Variants in SPRY3 observed in about 807,000 individuals in gnomAD.
SPRY3 encodes the protein sprouty RTK signaling antagonist 3, also known as protein sprouty homolog 3.
A neutral mutation model predicts 20.2 loss-of-function variants in SPRY3; 15 were observed. The ratio of observed to expected loss-of-function variants is 0.74; its 90% CI spans 0.50 to 1.14. The LOEUF (loss-of-function observed/expected upper bound fraction) is 1.14, where lower values mean the gene tolerates loss of function less well. SPRY3 is among the 50% of genes most tolerant of loss of function. The pLI is 0.00. For synonymous variants in SPRY3, 143 were observed against 136.5 expected, an observed-to-expected ratio of 1.05 and a Z score of -0.33; for missense variants, 364 against 363.9, an observed-to-expected ratio of 1.00 and a Z score of 0.00.
chrX:155,706,278 G>A (rs2090950388), intron 2 of SPRY3, among the ~76,000 whole-genome samples: 1 of 151,110 alleles, frequency 6.6e-6, no homozygotes, highest in African/African-American at 2.4e-5. Flanking sequence ...GATCAGAGAA[G>A]AAATATGAAA....
chrX:155,696,256 CAGAGAG>C (rs1217974455), intron 2 of SPRY3, among the ~76,000 whole-genome samples: 65 of 103,430 alleles, frequency 6.3e-4, no homozygotes, highest in Middle Eastern at 5.0e-3. Flanking sequence ...CATATATATA[CAGAGAG>C]AGAGAGAGAG....
At chrX:155,653,188 C>G (rs1355279382) in intron 1 of SPRY3, among the ~76,000 whole-genome samples, 1 of 111,328 alleles carries the variant, frequency 9.0e-6, no homozygotes, top group African/African-American at 3.3e-5. Flanking sequence ...AATATGTTCT[C>G]TCATTCTGTC....
chrX:155,668,332 T>C (rs989848356), intron 2 of SPRY3, among the ~76,000 whole-genome samples: 8 of 110,823 alleles, frequency 7.2e-5, no homozygotes, highest in Non-Finnish European at 1.5e-4. Context: ...TGTTATTCTA[T>C]TTATATAAAT....
intron 2 of SPRY3, among the ~76,000 whole-genome samples, chrX:155,715,103 A>G (rs941753911): frequency 6.6e-6 from 1 of 152,100 alleles, no homozygotes; most frequent in African/African-American, 2.4e-5. Context: ...GGGGTGCAAG[A>G]CAAAGTCCCC....
chrX:155,761,284 T>C (rs1162628887), intron 2 of SPRY3, among the ~76,000 whole-genome samples: 1 of 152,238 alleles, frequency 6.6e-6, no homozygotes. Flanking sequence ...ATGTGTATCC[T>C]GATTCCTTTC....
In SPRY3 at chrX:155,725,295, T is replaced by C. The variant is rs2091089636; in HGVS notation, c.-281-42667T>C. Among the ~76,000 whole-genome samples the C allele has an allele frequency of 2.0e-5, 3 of 152,202 alleles. 1 individual carries two copies. The highest frequency in any genetic ancestry group is 6.5e-5 in the Admixed American group (1 of 15,284). On this transcript the variant is annotated intron_variant, in intron 2 of 3. Coordinates refer to ENST00000675360, the Ensembl canonical transcript of SPRY3. ...CTAAAATTCTCTTTTTTGTTGTGCC[T>C]CTGCCAGGCTTTGGTATCAGGATGA...
intron 2 of SPRY3, among the ~76,000 whole-genome samples, chrX:155,716,866 G>A (rs306939): frequency 0.02 from 2,967 of 150,988 alleles, 102 homozygotes; most frequent in African/African-American, 0.068. Flanking sequence ...AGGCATGGTG[G>A]CTCACACCTA....
At chrX:155,695,867 T>G (rs1239435927) in intron 2 of SPRY3, among the ~76,000 whole-genome samples, 2 of 111,143 alleles carry the variant, frequency 1.8e-5, no homozygotes, top group Non-Finnish European at 1.9e-5. Flanking sequence ...TTTCTTTCAT[T>G]AATTTAATAT....
chrX:155,730,346 G>A (rs2091125072), intron 2 of SPRY3, among the ~76,000 whole-genome samples: 2 of 152,136 alleles, frequency 1.3e-5, no homozygotes, highest in Admixed American at 6.6e-5. Flanking sequence ...TCATGACCAA[G>A]TGGGATTTAT....
At chrX:155,614,958 T>C (rs1191604830) in intron 1 of SPRY3, among the ~76,000 whole-genome samples, 1 of 112,122 alleles carries the variant, frequency 8.9e-6, no homozygotes, top group Non-Finnish European at 1.9e-5. Context: ...AAACTTGTTC[T>C]TGTTCTGCTT....
intron 2 of SPRY3, among the ~76,000 whole-genome samples, chrX:155,702,369 T>A (rs1218649942): frequency 8.0e-5 from 1 of 12,452 alleles, no homozygotes; most frequent in Non-Finnish European, 1.5e-4. Context: ...TTATTCTCTT[T>A]GAAGCAATTG....
intron 2 of SPRY3, among the ~76,000 whole-genome samples, chrX:155,737,755 CT>C (rs2091178510): frequency 1.3e-5 from 2 of 152,100 alleles, no homozygotes; most frequent in East Asian, 3.9e-4. Flanking sequence ...CATGTGAAGC[CT>C]TTTGCTCATA....
chrX:155,618,003 T>C lies in SPRY3; in HGVS notation c.-441+5356T>C, dbSNP rs146155826. Among the ~76,000 whole-genome samples the C allele has an allele frequency of 5.8e-3, 654 of 112,317 alleles. 1 individual carries two copies. The highest frequency in any genetic ancestry group is 6.6e-3 in the Non-Finnish European group (350 of 53,145). On this transcript the variant is annotated intron_variant, in intron 1 of 3. Coordinates refer to ENST00000675360, the Ensembl canonical transcript of SPRY3. ...ACAATATCAATCCAGGAAATTTACA[T>C]TGGTAAAATCCACAGAGCATATTTG...
At chrX:155,632,238 C>G (rs782247855) in intron 1 of SPRY3, among the ~76,000 whole-genome samples, 1 of 110,021 alleles carries the variant, frequency 9.1e-6, no homozygotes, top group African/African-American at 3.3e-5. Context: ...CACACACACA[C>G]ACACACACGC....
intron 2 of SPRY3, among the ~76,000 whole-genome samples, chrX:155,705,177 T>C (rs1247989279): frequency 6.6e-6 from 1 of 151,532 alleles, no homozygotes; most frequent in Non-Finnish European, 1.5e-5. Context: ...TAATAATTTA[T>C]TGTATATTTA....
intron 1 of SPRY3, among the ~76,000 whole-genome samples, chrX:155,643,140 A>G (rs2067947373): frequency 8.9e-6 from 1 of 111,833 alleles, no homozygotes; most frequent in Non-Finnish European, 1.9e-5. Flanking sequence ...TTTTCTTTAT[A>G]TATCTGGGTG....
chrX:155,675,742 G>A (rs781792379), intron 2 of SPRY3, among the ~76,000 whole-genome samples: 2 of 111,534 alleles, frequency 1.8e-5, no homozygotes, highest in Non-Finnish European at 3.8e-5. Context: ...TGCCAAGAGT[G>A]CATAAAATGC....
At chrX:155,668,526 T>C in intron 2 of SPRY3, among the ~76,000 whole-genome samples, 1 of 111,033 alleles carries the variant, frequency 9.0e-6, no homozygotes, top group Non-Finnish European at 1.9e-5. Context: ...TCCAATTTTA[T>C]TTAGCTTTAC....
chrX:155,683,610 T>C (rs2124568658), intron 2 of SPRY3, among the ~76,000 whole-genome samples: 1 of 112,216 alleles, frequency 8.9e-6, no homozygotes, highest in South Asian at 3.7e-4. Context: ...ATTGTGATAT[T>C]TGCTTTACTG....
Sources: gnomAD v4.1 joint callset for allele counts (sites outside exome capture counted in the v4.1 genomes callset) on GRCh38, gnomAD v4.1.1 for gene constraint, MANE v1.5 for transcripts, NCBI Gene and HGNC (gene_info 2026-07-23, HGNC 2026-07-21) for gene names.